The following TESMIN variants were observed in gnomAD, a reference collection of about 807,000 sequenced individuals.
The protein encoded by TESMIN is CXC domain containing 2.
TESMIN carries 34 observed loss-of-function variants against 47.4 expected under a neutral mutation model. That is an observed-to-expected ratio of 0.72 (90% CI 0.55 to 0.96). The LOEUF is 0.96. Among genes scored for constraint, TESMIN ranks in the 40% least tolerant of loss-of-function variants. TESMIN has a pLI of 0.00. For missense variants in TESMIN, 610 were observed against 637.2 expected (o/e 0.96, Z 0.46); for synonymous variants, 278 against 258.9 (o/e 1.07, Z -0.71).
At position 68,710,864 on chromosome 11, in the gene TESMIN, A is replaced by T; in HGVS notation, c.1334+10T>A. 1 of 1,602,590 alleles carries T rather than the reference A, an allele frequency of 6.2e-7. No homozygotes were observed. The highest frequency in any genetic ancestry group is 8.5e-7 in the Non-Finnish European group (1 of 1,175,562). ...CCCTCTATTAGCAGAGGTTAGTTCA[A>T]AGTACCTACCTATCGTGACTGAATC... On this transcript the variant is annotated intron_variant, in intron 9 of 9. Coordinates refer to ENST00000255087, the MANE Select transcript of TESMIN (RefSeq NM_004923.3).
chr11:68,716,226 C>G (rs1396623711), intron 6 of TESMIN, among the ~76,000 whole-genome samples: 1 of 152,172 alleles, frequency 6.6e-6, no homozygotes, highest in Non-Finnish European at 1.5e-5. Flanking sequence ...TCAATCAATC[C>G]TCCCTGGCCC....
chr11:68,742,103 T>C (rs1156353572), intron 5 of TESMIN, among the ~76,000 whole-genome samples: 1 of 152,224 alleles, frequency 6.6e-6, no homozygotes, highest in African/African-American at 2.4e-5. Context: ...GCAAAAGGGC[T>C]TCATCAAGTT....
chr11:68,743,753 A>G (rs929395180), intron 4 of TESMIN, among the ~76,000 whole-genome samples: 2 of 152,172 alleles, frequency 1.3e-5, no homozygotes, highest in African/African-American at 2.4e-5. Flanking sequence ...GCACCTGAAC[A>G]CTTTTTCTCC....
intron 6 of TESMIN, among the ~76,000 whole-genome samples, chr11:68,717,298 C>G (rs1416934032): frequency 6.6e-6 from 1 of 152,198 alleles, no homozygotes; most frequent in East Asian, 1.9e-4. Context: ...CCTGGGGCAT[C>G]TGCCAGTCCC....
chr11:68,735,116 G>C (rs1946372343), intron 6 of TESMIN, among the ~76,000 whole-genome samples: 1 of 152,228 alleles, frequency 6.6e-6, no homozygotes, highest in Admixed American at 6.5e-5. Flanking sequence ...ATCTAGTTTT[G>C]TTTTTCCTTT....
rs1946293090 is a variant in TESMIN, at chr11:68,728,679, G to A, written c.917+10021C>T. Among the ~76,000 whole-genome samples, 3 of 152,228 alleles carry A rather than the reference G, an allele frequency of 2.0e-5. No homozygotes were observed. The South Asian group carries it at 6.2e-4, about 32-fold the overall frequency. Reference sequence around the variant, plus strand: ...GCTTCAACGCCTCAAAGGACAGGCTGGCTCTCTTATTGGGATATGGTGCAG... The same window carrying A: ...GCTTCAACGCCTCAAAGGACAGGCTAGCTCTCTTATTGGGATATGGTGCAG... On this transcript the variant is annotated intron_variant, in intron 6 of 9. Transcript: ENST00000255087.
Position 68,708,095 on chromosome 11 carries a change from G to T in TESMIN, c.*213C>A. 1.8e-6 allele frequency: 1 copy of T among 559,736 alleles called. No individual in the cohort carries two copies. 34.7% of individuals were successfully genotyped at this position (559,736 alleles called of 1,614,324 possible). On this transcript the variant is annotated 3_prime_UTR_variant, in exon 10 of 10. Transcript: ENST00000255087. Reference sequence around the variant, plus strand: ...TGGGAACCCAAGCTCTCTCCTCTGGGCCAGACAAACAATGCTCAGGCCATG... The same window carrying T: ...TGGGAACCCAAGCTCTCTCCTCTGGTCCAGACAAACAATGCTCAGGCCATG...
intron 4 of TESMIN, 91 bp downstream of exon 4, chr11:68,744,900 G>A (rs1025928772): frequency 2.8e-6 from 3 of 1,081,230 alleles, no homozygotes; most frequent in Non-Finnish European, 3.9e-6. Flanking sequence ...TTAATATCCT[G>A]GTTGCCATTT....
At chr11:68,747,628 C>A (rs1347751797) in intron 2 of TESMIN, among the ~76,000 whole-genome samples, 1 of 152,184 alleles carries the variant, frequency 6.6e-6, no homozygotes, top group African/African-American at 2.4e-5. Flanking sequence ...CCAGCATGCT[C>A]AGTAGTTTGA....
intron 4 of TESMIN, among the ~76,000 whole-genome samples, chr11:68,743,917 C>G (rs1192031039): frequency 6.6e-6 from 1 of 152,144 alleles, no homozygotes; most frequent in African/African-American, 2.4e-5. Context: ...CTGGAAAACA[C>G]TATATAAACT....
chr11:68,746,119 C>T (rs578072571), intron 3 of TESMIN, among the ~76,000 whole-genome samples: 3 of 152,178 alleles, frequency 2.0e-5, no homozygotes, highest in African/African-American at 7.2e-5. Context: ...GAGAGGCCAG[C>T]ATTCATGTTC....
intron 4 of TESMIN, among the ~76,000 whole-genome samples, chr11:68,743,304 T>C (rs935888217): frequency 1.3e-5 from 2 of 150,810 alleles, no homozygotes; most frequent in African/African-American, 2.4e-5. Context: ...AGTAGTGCGA[T>C]GTTGGCTCAC....
chr11:68,711,084 G>C, intron 8 of TESMIN, 35 bp from the exon 9 acceptor site: 1 of 1,520,472 alleles, frequency 6.6e-7, no homozygotes, highest in Non-Finnish European at 9.0e-7. Context: ...AAATTAGGTT[G>C]TCTCACAAGT....
chr11:68,715,052 G>A (rs539775377), intron 7 of TESMIN, among the ~76,000 whole-genome samples: 1 of 152,286 alleles, frequency 6.6e-6, no homozygotes, highest in African/African-American at 2.4e-5. Flanking sequence ...CATAATTCAA[G>A]AGGAGAATTA....
chr11:68,734,624 T>G (rs749929506), intron 6 of TESMIN, among the ~76,000 whole-genome samples: 72 of 152,326 alleles, frequency 4.7e-4, no homozygotes, highest in Non-Finnish European at 4.3e-4. Flanking sequence ...TTTGAGGTCA[T>G]GTACACAGGC....
At chr11:68,736,060 G>A (rs1946383507) in intron 6 of TESMIN, 2 of 984,192 alleles carry the variant, frequency 2.0e-6, no homozygotes, top group South Asian at 9.4e-5. Flanking sequence ...CTCTGCCTCA[G>A]AAAAGCATTC....
chr11:68,747,430 A>G, intron 2 of TESMIN, 64 bp from the exon 3 acceptor site: 1 of 1,421,964 alleles, frequency 7.0e-7, no homozygotes. Context: ...CAGTTGCATA[A>G]TTTAGAAAAT....
At chr11:68,742,903 A>T (rs576724522) in intron 4 of TESMIN, among the ~76,000 whole-genome samples, 51 of 150,126 alleles carry the variant, frequency 3.4e-4, no homozygotes, top group Non-Finnish European at 6.8e-4. Flanking sequence ...TTGAGATAGG[A>T]TCTTGCTCTG....
Position 68,716,233 on chromosome 11 carries a change from G to GC in TESMIN, c.918-295dup, listed in dbSNP as rs137856666. Reference sequence around the variant, plus strand: ...CCATTGCATCAATCAATCCTCCCTGGCCCCTAATTGCCCTCCGCCATTTTC... The same window carrying GC: ...CCATTGCATCAATCAATCCTCCCTGGCCCCCTAATTGCCCTCCGCCATTTTC... On this transcript the variant is annotated intron_variant, in intron 6 of 9. Transcript: ENST00000255087. Among the ~76,000 whole-genome samples, 974 of 152,282 alleles carry GC rather than the reference G, an allele frequency of 6.4e-3. 5 individuals are homozygous for GC. The highest frequency in any genetic ancestry group is 0.023 in the African/African-American group (943 of 41,550).
Sources: allele counts gnomAD v4.1 joint callset (sites outside exome capture counted in the v4.1 genomes callset), GRCh38; gene constraint gnomAD v4.1.1; transcripts MANE v1.5; gene names NCBI Gene and HGNC (gene_info 2026-07-23, HGNC 2026-07-21).